The following PTPRK variants were observed in gnomAD, a reference collection of about 807,000 sequenced individuals.
The protein encoded by PTPRK is protein tyrosine phosphatase receptor type K, also known as receptor-type tyrosine-protein phosphatase kappa.
PTPRK carries 75 observed loss-of-function variants against 178.0 expected under a neutral mutation model. The ratio of observed to expected loss-of-function variants is 0.42; its 90% CI spans 0.35 to 0.51. The LOEUF (loss-of-function observed/expected upper bound fraction) is 0.51, where lower values mean the gene tolerates loss of function less well. PTPRK is among the 20% of genes least tolerant of loss of function. The probability of loss-of-function intolerance (pLI) is 0.02; values close to 1 mark genes in which losing one functional copy is unlikely to be tolerated. For synonymous variants in PTPRK, 637 were observed against 620.6 expected (o/e 1.03, Z -0.39); for missense variants, 1,441 against 1,797.8 (o/e 0.80, Z 3.59).
intron 7 of PTPRK, among the ~76,000 whole-genome samples, chr6:128,104,623 T>C (rs987024179): frequency 1.3e-5 from 2 of 152,224 alleles, no homozygotes; most frequent in African/African-American, 4.8e-5. Flanking sequence ...TGGATCATTG[T>C]GTATTCTTTA....
intron 2 of PTPRK, among the ~76,000 whole-genome samples, chr6:128,366,901 T>C (rs1835571697): frequency 6.6e-6 from 1 of 152,108 alleles, no homozygotes; most frequent in Non-Finnish European, 1.5e-5. Context: ...ACTTCCCTCC[T>C]ACCTCTCACA....
intron 6 of PTPRK, among the ~76,000 whole-genome samples, chr6:128,185,070 T>C (rs1053330334): frequency 2.6e-5 from 4 of 152,152 alleles, no homozygotes; most frequent in Non-Finnish European, 4.4e-5. Context: ...TCTTTGACAA[T>C]TTATTTCATT....
chr6:128,234,858 A>AC (rs1291149023), intron 5 of PTPRK, among the ~76,000 whole-genome samples: 5 of 152,210 alleles, frequency 3.3e-5, no homozygotes, highest in Admixed American at 6.5e-5. Flanking sequence ...GAACTGCTAC[A>AC]CCATATGTTC....
At chr6:127,985,962 A>G in intron 21 of PTPRK, 87 bp from the exon 22 acceptor site, 1 of 1,285,696 alleles carries the variant, frequency 7.8e-7, no homozygotes. Flanking sequence ...TACAGACCCA[A>G]CTGACAATGA....
chr6:128,464,080 C>T (rs1414192174), intron 1 of PTPRK, among the ~76,000 whole-genome samples: 2 of 151,948 alleles, frequency 1.3e-5, no homozygotes, highest in East Asian at 3.9e-4. Flanking sequence ...ATAAATGATT[C>T]CTCCATGAAT....
intron 2 of PTPRK, among the ~76,000 whole-genome samples, chr6:128,394,870 C>G (rs906400834): frequency 1.3e-5 from 2 of 152,108 alleles, no homozygotes; most frequent in African/African-American, 4.8e-5. Flanking sequence ...TTCTCTCACT[C>G]TTGGCTTTCA....
intron 3 of PTPRK, among the ~76,000 whole-genome samples, chr6:128,261,450 ATTTC>A (rs2128293464): frequency 6.6e-6 from 1 of 152,298 alleles, no homozygotes; most frequent in African/African-American, 2.4e-5. Context: ...TTTTATTATA[ATTTC>A]TTTATGAAAT....
intron 3 of PTPRK, among the ~76,000 whole-genome samples, chr6:128,283,149 C>G (rs923684958): frequency 6.6e-6 from 1 of 152,128 alleles, no homozygotes; most frequent in Non-Finnish European, 1.5e-5. Context: ...GACTTGTGCT[C>G]GCCCCCAAGG....
chr6:128,031,905 G>C (rs1016803861), intron 13 of PTPRK, among the ~76,000 whole-genome samples: 1 of 152,106 alleles, frequency 6.6e-6, no homozygotes, highest in African/African-American at 2.4e-5. Context: ...TCAATCTCAT[G>C]TCCTGTCTTT....
intron 7 of PTPRK, among the ~76,000 whole-genome samples, chr6:128,142,076 T>C (rs879282400): frequency 3.9e-5 from 6 of 151,972 alleles, no homozygotes; most frequent in Admixed American, 2.6e-4. Flanking sequence ...ATATTCACTA[T>C]GTGCATATAC....
At chr6:128,233,843 C>T (rs931658433) in intron 5 of PTPRK, among the ~76,000 whole-genome samples, 1 of 152,176 alleles carries the variant, frequency 6.6e-6, no homozygotes, top group African/African-American at 2.4e-5. Context: ...ACCAAATCTA[C>T]CCACACAATT....
chr6:128,357,889 T>G (rs1179957142), intron 2 of PTPRK, among the ~76,000 whole-genome samples: 1 of 152,206 alleles, frequency 6.6e-6, no homozygotes, highest in Non-Finnish European at 1.5e-5. Flanking sequence ...CTGCTGTATT[T>G]TAACAGTAAG....
intron 1 of PTPRK, among the ~76,000 whole-genome samples, chr6:128,473,975 CTCCTT>C (rs1348955410): frequency 6.6e-6 from 1 of 152,088 alleles, no homozygotes; most frequent in Non-Finnish European, 1.5e-5. Context: ...TCATGAATCA[CTCCTT>C]TCCATGTAAC....
At chr6:128,121,345 T>C (rs968565550) in intron 7 of PTPRK, among the ~76,000 whole-genome samples, 1 of 151,962 alleles carries the variant, frequency 6.6e-6, no homozygotes, top group East Asian at 1.9e-4. Flanking sequence ...CTGCAAGTGA[T>C]ACAAATGTTA....
chr6:128,383,555 T>C (rs1000874761), intron 2 of PTPRK, among the ~76,000 whole-genome samples: 2 of 152,244 alleles, frequency 1.3e-5, no homozygotes, highest in Admixed American at 1.3e-4. Flanking sequence ...CATTTATGTA[T>C]TCATTCAAAA....
Position 128,043,824 on chromosome 6 carries a change from C to G in PTPRK, c.2194+20934G>C, listed in dbSNP as rs149822301. 1.5e-3 allele frequency among the ~76,000 whole-genome samples: 234 copies of G among 151,296 alleles called. 2 individuals are homozygous for G. The East Asian group carries it at 0.033, about 22-fold the overall frequency. On this transcript the variant is annotated intron_variant, in intron 13 of 29. Coordinates refer to ENST00000368226, the MANE Select transcript of PTPRK (RefSeq NM_002844.4). ...AGAAAACTTTTTTTTTACATCTGTT[C>G]AGGAATAAAGAAACTTTATGGCAAA...
intron 5 of PTPRK, among the ~76,000 whole-genome samples, chr6:128,239,727 T>C (rs912876044): frequency 1.3e-5 from 2 of 152,182 alleles, no homozygotes; most frequent in Admixed American, 6.5e-5. Context: ...TAAGAAAAAA[T>C]ATCATTCTTA....
At chr6:128,063,797 C>T (rs554741999) in intron 13 of PTPRK, among the ~76,000 whole-genome samples, 2 of 152,176 alleles carry the variant, frequency 1.3e-5, no homozygotes, top group African/African-American at 4.8e-5. Flanking sequence ...TTCTTTATTG[C>T]CTTACAAATC....
rs1850850370 is a variant in PTPRK at position 128,472,614 on chromosome 6, A to G, written c.100+47645T>C. 5 of 240,572 alleles carry G rather than the reference A, an allele frequency of 2.1e-5. No homozygotes were observed. The South Asian group carries it at 2.7e-4, about 13-fold the overall frequency. The allele number at this position is 240,572 out of a possible 1,614,324, so 14.9% of individuals were successfully genotyped here. A position where few individuals can be genotyped will look rare whatever the true frequency, so the allele number is the denominator to read the frequency against. ...TACATCTATTTACCATTTATTATATATAATTCTACATATTAATATTTTTAA... is the reference window on the plus strand; with the variant it reads ...TACATCTATTTACCATTTATTATATGTAATTCTACATATTAATATTTTTAA... On this transcript the variant is annotated intron_variant, in intron 1 of 29. Transcript: ENST00000368226.
Sources: gnomAD v4.1 joint callset for allele counts (sites outside exome capture counted in the v4.1 genomes callset) on GRCh38, gnomAD v4.1.1 for gene constraint, MANE v1.5 for transcripts, NCBI Gene and HGNC (gene_info 2026-07-23, HGNC 2026-07-21) for gene names.